Variants in AXDND1 observed in about 807,000 individuals in gnomAD.
AXDND1 encodes the protein axonemal dynein light chain domain containing 1.
Under a neutral mutation model 137.5 loss-of-function variants are expected in AXDND1, and 110 were observed. That is an observed-to-expected ratio of 0.80 (90% CI 0.69 to 0.94). The LOEUF (loss-of-function observed/expected upper bound fraction) is 0.94. Among genes scored for constraint, AXDND1 ranks in the 40% least tolerant of loss-of-function variants. The probability of loss-of-function intolerance (pLI) is 0.00; values close to 1 mark genes in which losing one functional copy is unlikely to be tolerated. For missense variants in AXDND1, 1,191 were observed against 1,169.8 expected, an observed-to-expected ratio of 1.02 and a Z score of -0.26; for synonymous variants, 414 against 399.7, an observed-to-expected ratio of 1.04 and a Z score of -0.43.
intron 16 of AXDND1, chr1:179,457,121 A>T: frequency 2.8e-6 from 3 of 1,057,528 alleles, no homozygotes; most frequent in East Asian, 4.7e-5. Context: ...CCTTGCATTC[A>T]TGGCTGCATC....
intron 16 of AXDND1, chr1:179,456,757 C>G: frequency 1.3e-6 from 1 of 782,498 alleles, no homozygotes; most frequent in South Asian, 1.3e-5. Flanking sequence ...CTACTTTGAC[C>G]TCTTTGGCTG....
chr1:179,497,625 T>G (rs1572085313), intron 20 of AXDND1, among the ~76,000 whole-genome samples: 1 of 152,128 alleles, frequency 6.6e-6, no homozygotes, highest in East Asian at 1.9e-4. Flanking sequence ...AGTCTTACTA[T>G]TCCTATTCAA....
intron 16 of AXDND1, chr1:179,455,095 C>CAAAAA (rs60418416): frequency 2.4e-5 from 3 of 126,064 alleles, no homozygotes; most frequent in African/African-American, 1.0e-4. Context: ...GACTCCGTCT[C>CAAAAA]AAAAAAAAAA....
chr1:179,460,732 TG>T (rs1211391521), intron 16 of AXDND1, among the ~76,000 whole-genome samples: 2 of 152,240 alleles, frequency 1.3e-5, no homozygotes, highest in Non-Finnish European at 2.9e-5. Flanking sequence ...GACTTTTTAA[TG>T]ATCACCATTC....
chr1:179,496,111 A>G (rs967081953), intron 20 of AXDND1, among the ~76,000 whole-genome samples: 2 of 151,894 alleles, frequency 1.3e-5, no homozygotes, highest in Non-Finnish European at 2.9e-5. Flanking sequence ...TTGCAAATTC[A>G]ATTGATTGAT....
intron 25 of AXDND1, chr1:179,552,737 G>A: frequency 7.4e-7 from 1 of 1,347,664 alleles, no homozygotes; most frequent in Non-Finnish European, 1.1e-6. Context: ...AGGGGCCAAA[G>A]CTTTCACACA....
intron 13 of AXDND1, 35 bp downstream of exon 13, chr1:179,429,654 A>G (rs752686008): frequency 6.0e-6 from 8 of 1,328,446 alleles, no homozygotes; most frequent in South Asian, 1.4e-5. Context: ...TGGGAAAAAA[A>G]GATGCCAAGT....
chr1:179,470,531 A>G (rs1188855858), intron 17 of AXDND1, among the ~76,000 whole-genome samples: 2 of 152,154 alleles, frequency 1.3e-5, no homozygotes, highest in African/African-American at 4.8e-5. Flanking sequence ...ACTCCTAAGT[A>G]CTTTTTAAAT....
intron 11 of AXDND1, among the ~76,000 whole-genome samples, chr1:179,405,498 C>T (rs747905519): frequency 3.3e-5 from 5 of 152,166 alleles, no homozygotes; most frequent in Admixed American, 2.0e-4. Flanking sequence ...AACGCCACAT[C>T]GTCTTCCATA....
chr1:179,512,589 A>C (rs1373955732), intron 21 of AXDND1, among the ~76,000 whole-genome samples: 1 of 151,994 alleles, frequency 6.6e-6, no homozygotes, highest in Non-Finnish European at 1.5e-5. Context: ...TTTTTTTCTA[A>C]TTATGTGAAG....
intron 12 of AXDND1, among the ~76,000 whole-genome samples, chr1:179,424,811 T>C (rs1369703370): frequency 1.3e-5 from 2 of 152,186 alleles, no homozygotes; most frequent in Non-Finnish European, 2.9e-5. Context: ...TCTTTCCTCT[T>C]CTTGATGCAT....
chr1:179,525,792 A>G (rs999486916), intron 22 of AXDND1, among the ~76,000 whole-genome samples: 8 of 61,344 alleles, frequency 1.3e-4, no homozygotes, highest in Admixed American at 2.2e-4. Flanking sequence ...CCATGCTTGG[A>G]CCATATATAT....
chr1:179,492,610 A>ATT (rs1558263802), intron 19 of AXDND1, among the ~76,000 whole-genome samples: 1 of 152,162 alleles, frequency 6.6e-6, no homozygotes, highest in Non-Finnish European at 1.5e-5. Flanking sequence ...TTTTCCCTTC[A>ATT]TTTCAATTCA....
At chr1:179,396,261 C>T (rs908882281) in intron 11 of AXDND1, among the ~76,000 whole-genome samples, 2 of 151,904 alleles carry the variant, frequency 1.3e-5, no homozygotes, top group Non-Finnish European at 2.9e-5. Flanking sequence ...CTCCATTCTG[C>T]TTCTTCCCTC....
At chr1:179,439,999 C>G (rs993784796) in intron 15 of AXDND1, among the ~76,000 whole-genome samples, 1 of 152,236 alleles carries the variant, frequency 6.6e-6, no homozygotes, top group African/African-American at 2.4e-5. Flanking sequence ...AAATTTTCCT[C>G]TTTTCCTCTA....
At position 179,366,450 on chromosome 1, in the gene AXDND1, T is replaced by C. The variant is rs1667413121; in HGVS notation, c.-60T>C. The C allele has an allele frequency of 3.5e-6, 5 of 1,414,114 alleles. No individual in the cohort carries two copies. The highest frequency in any genetic ancestry group is 1.0e-6 in the Non-Finnish European group (1 of 1,001,892). 87.6% of individuals were successfully genotyped at this position (1,414,114 alleles called of 1,614,324 possible). A position where few individuals can be genotyped will look rare whatever the true frequency, so the allele number is the denominator to read the frequency against. On this transcript the variant is annotated 5_prime_UTR_variant, in exon 2 of 26. It removes the in-frame stop codon of an upstream open reading frame in the 5' UTR. Coordinates refer to ENST00000367618, the MANE Select transcript of AXDND1 (RefSeq NM_144696.6). The stretch of plus-strand genomic sequence containing the variant: ...TCCCAGTGCGGCGCTGATTTGTGTC[T>C]AAATTAGCTTTCCGGAGGACTATTT...
chr1:179,437,104 A>G (rs1386747749), intron 15 of AXDND1, among the ~76,000 whole-genome samples: 1 of 151,720 alleles, frequency 6.6e-6, no homozygotes, highest in African/African-American at 2.4e-5. Flanking sequence ...AAATTAGGAA[A>G]ATCTCCTTGG....
At chr1:179,471,926 G>T (rs537431985) in intron 17 of AXDND1, among the ~76,000 whole-genome samples, 1 of 149,238 alleles carries the variant, frequency 6.7e-6, no homozygotes, top group Non-Finnish European at 1.5e-5. Context: ...ATGGAGTCTC[G>T]CTCTGCCACC....
intron 11 of AXDND1, among the ~76,000 whole-genome samples, chr1:179,403,719 A>C (rs1652478238): frequency 1.3e-5 from 2 of 152,284 alleles, no homozygotes; most frequent in East Asian, 3.9e-4. Context: ...GATTTCAGGC[A>C]TGTGCCACCA....
Sources: gnomAD v4.1 joint callset for allele counts (sites outside exome capture counted in the v4.1 genomes callset) on GRCh38, gnomAD v4.1.1 for gene constraint, MANE v1.5 for transcripts, NCBI Gene and HGNC (gene_info 2026-07-23, HGNC 2026-07-21) for gene names.